The following MOB3B variants were observed in gnomAD, a reference collection of about 807,000 sequenced individuals.
The protein encoded by MOB3B is MOB kinase activator-like 2B.
A neutral mutation model predicts 18.7 loss-of-function variants in MOB3B; 7 were observed. The observed-to-expected ratio is 0.37, with a 90% confidence interval of 0.21 to 0.70. The LOEUF (loss-of-function observed/expected upper bound fraction) is 0.70, where lower values mean the gene tolerates loss of function less well. Ranked by LOEUF, MOB3B falls within the 30% of genes least tolerant of loss-of-function variation. The pLI is 0.52. For synonymous variants in MOB3B, 111 were observed against 99.9 expected, an observed-to-expected ratio of 1.11 and a Z score of -0.66; for missense variants, 253 against 281.3, an observed-to-expected ratio of 0.90 and a Z score of 0.72.
chr9:27,490,963 T>C (rs948835025), intron 1 of MOB3B, among the ~76,000 whole-genome samples: 1 of 118,768 alleles, frequency 8.4e-6, no homozygotes, highest in South Asian at 3.3e-4. Context: ...AAGCCCTAGA[T>C]AGCACATCAT....
At chr9:27,467,780 G>T (rs935187521) in intron 1 of MOB3B, among the ~76,000 whole-genome samples, 1 of 152,224 alleles carries the variant, frequency 6.6e-6, no homozygotes, top group Non-Finnish European at 1.5e-5. Context: ...CTGCCTTTAT[G>T]AATGGAATTG....
intron 2 of MOB3B, among the ~76,000 whole-genome samples, chr9:27,450,377 A>G (rs1041793169): frequency 6.6e-6 from 1 of 152,224 alleles, no homozygotes; most frequent in Non-Finnish European, 1.5e-5. Flanking sequence ...TGGCATTACC[A>G]GGGAGTTATG....
chr9:27,363,408 A>T (rs909766194), intron 2 of MOB3B, among the ~76,000 whole-genome samples: 2 of 151,964 alleles, frequency 1.3e-5, no homozygotes, highest in African/African-American at 4.8e-5. Flanking sequence ...AGCTGGGACT[A>T]CAGGCGCCCG....
chr9:27,512,635 G>C (rs561035665), intron 1 of MOB3B, among the ~76,000 whole-genome samples: 1 of 152,272 alleles, frequency 6.6e-6, no homozygotes, highest in African/African-American at 2.4e-5. Flanking sequence ...AAACACTACT[G>C]TTTCATGGGT....
At chr9:27,427,431 G>A (rs1452034163) in intron 2 of MOB3B, among the ~76,000 whole-genome samples, 2 of 152,210 alleles carry the variant, frequency 1.3e-5, no homozygotes, top group South Asian at 4.1e-4. Flanking sequence ...GAAGAGAGAT[G>A]TCTGCAAGGA....
intron 1 of MOB3B, among the ~76,000 whole-genome samples, chr9:27,510,381 G>A (rs189651346): frequency 4.1e-4 from 62 of 152,176 alleles, no homozygotes; most frequent in African/African-American, 1.4e-3. Flanking sequence ...ATCTTAATTT[G>A]GATATTGGAT....
In MOB3B at chr9:27,404,397, C is replaced by A. The variant is rs150574257; in HGVS notation, c.419-45161G>T. 2.8e-3 allele frequency among the ~76,000 whole-genome samples: 350 copies of A among 125,512 alleles called. 3 individuals are homozygous for A. The highest frequency in any genetic ancestry group is 0.011 in the African/African-American group (338 of 31,528). The allele number at this position is 125,512 out of a possible 152,430, so 82.3% of individuals were successfully genotyped here. ...TTTGAGACAGAGTCTCGTTCTGTCA[C>A]CAGGCTGGAGTGCAATGGTGCGATC... On this transcript the variant is annotated intron_variant, in intron 2 of 3. Transcript: ENST00000262244.
chr9:27,360,348 AC>A (rs1193650880), intron 2 of MOB3B, among the ~76,000 whole-genome samples: 2 of 152,174 alleles, frequency 1.3e-5, no homozygotes, highest in Admixed American at 6.5e-5. Context: ...TACTAAAAAT[AC>A]AAAAAAATTA....
At chr9:27,342,962 G>T (rs532682473) in intron 3 of MOB3B, among the ~76,000 whole-genome samples, 1 of 149,368 alleles carries the variant, frequency 6.7e-6, no homozygotes, top group African/African-American at 2.5e-5. Context: ...CTGCCCGGCC[G>T]CCACCCCGTC....
At chr9:27,463,982 A>G (rs987266491) in intron 1 of MOB3B, among the ~76,000 whole-genome samples, 3 of 152,156 alleles carry the variant, frequency 2.0e-5, no homozygotes, top group African/African-American at 7.2e-5. Flanking sequence ...GAAAAAAATA[A>G]TAAGGATAAC....
At chr9:27,507,501 A>AATC (rs1329874908) in intron 1 of MOB3B, among the ~76,000 whole-genome samples, 3 of 152,224 alleles carry the variant, frequency 2.0e-5, no homozygotes, top group African/African-American at 7.2e-5. Flanking sequence ...TCTTACAGCA[A>AATC]CCAGGACTGG....
chr9:27,443,439 T>C (rs1458413436), intron 2 of MOB3B, among the ~76,000 whole-genome samples: 1 of 152,220 alleles, frequency 6.6e-6, no homozygotes, highest in Non-Finnish European at 1.5e-5. Flanking sequence ...CAAACATACA[T>C]AAACGATTTC....
At chr9:27,480,060 A>T (rs1819623378) in intron 1 of MOB3B, among the ~76,000 whole-genome samples, 3 of 78,366 alleles carry the variant, frequency 3.8e-5, no homozygotes, top group East Asian at 2.1e-4. Context: ...CTGTCTCTTT[A>T]AAAAAAAAAA....
chr9:27,380,538 AG>A (rs900193482), intron 2 of MOB3B, among the ~76,000 whole-genome samples: 5 of 152,160 alleles, frequency 3.3e-5, no homozygotes, highest in Non-Finnish European at 1.5e-5. Flanking sequence ...CGCCCCGCCA[AG>A]AGATAGGAAT....
chr9:27,388,737 T>C (rs10812581), intron 2 of MOB3B, among the ~76,000 whole-genome samples: 53,897 of 151,910 alleles, frequency 0.35, 10,125 homozygotes, highest in Non-Finnish European at 0.42. Flanking sequence ...TTCCTTTCCC[T>C]TCTAAGCATG....
intron 1 of MOB3B, among the ~76,000 whole-genome samples, chr9:27,461,292 G>C (rs954093396): frequency 1.3e-5 from 2 of 152,156 alleles, no homozygotes; most frequent in Non-Finnish European, 2.9e-5. Flanking sequence ...ATCCAATAAA[G>C]GATGTGCCTA....
At position 27,342,382 on chromosome 9, in the gene MOB3B, G is replaced by A. The variant is rs973365244; in HGVS notation, c.622-11766C>T. 3.3e-4 allele frequency among the ~76,000 whole-genome samples: 50 copies of A among 152,148 alleles called. 1 individual carries two copies. The highest frequency in any genetic ancestry group is 3.3e-3 in the Admixed American group (50 of 15,274). ...CAGTAGAAAAACGCTTCTAAAACAA[G>A]AGTGGAGTGAACTCTACATGCCTAT... is the stretch of plus-strand genomic sequence containing the variant. On this transcript the variant is annotated intron_variant, in intron 3 of 3. Transcript: ENST00000262244.
chr9:27,351,715 C>T (rs2131348707), intron 3 of MOB3B, among the ~76,000 whole-genome samples: 1 of 152,294 alleles, frequency 6.6e-6, no homozygotes, highest in Admixed American at 6.5e-5. Flanking sequence ...TTTCACAGTC[C>T]TGACTTGATC....
At chr9:27,383,188 C>T (rs1303306185) in intron 2 of MOB3B, among the ~76,000 whole-genome samples, 2 of 152,120 alleles carry the variant, frequency 1.3e-5, no homozygotes, top group Non-Finnish European at 2.9e-5. Flanking sequence ...ATTATGCAAC[C>T]TCTCTGTGCC....
Sources: gnomAD v4.1 joint callset for allele counts (sites outside exome capture counted in the v4.1 genomes callset) on GRCh38, gnomAD v4.1.1 for gene constraint, MANE v1.5 for transcripts, NCBI Gene and HGNC (gene_info 2026-07-23, HGNC 2026-07-21) for gene names.